RFX3: variants seen among roughly 807,000 people sequenced by gnomAD.
The protein encoded by RFX3 is transcription factor RFX3.
A neutral mutation model predicts 98.6 loss-of-function variants in RFX3; 14 were observed. That is an observed-to-expected ratio of 0.14 (90% CI 0.09 to 0.22). RFX3 has a LOEUF of 0.22. Ranked by LOEUF, RFX3 falls within the 10% of genes least tolerant of loss-of-function variation. The pLI is 1.00. For synonymous variants in RFX3, 383 were observed against 328.4 expected (o/e 1.17, Z -1.80); for missense variants, 639 against 926.9 (o/e 0.69, Z 4.03).
chr9:3,400,357 C>CA (rs1841355677), intron 1 of RFX3: 1 of 242,838 alleles, frequency 4.1e-6, no homozygotes, highest in Admixed American at 6.5e-5. Flanking sequence ...GCTAGAGAGT[C>CA]ACGGAGAACT....
intron 2 of RFX3, among the ~76,000 whole-genome samples, chr9:3,378,555 C>CTTTTTTTTT (rs869126415): frequency 8.0e-6 from 1 of 125,088 alleles, no homozygotes; most frequent in African/African-American, 3.0e-5. Flanking sequence ...TTTTTTCTTT[C>CTTTTTTTTT]TTTTTTTTTT....
chr9:3,385,703 AAG>A (rs1194147069), intron 2 of RFX3, among the ~76,000 whole-genome samples: 2,146 of 93,268 alleles, frequency 0.023, 53 homozygotes, highest in African/African-American at 0.1. Context: ...AAAAAAAAAA[AAG>A]AAAAGAAAAG....
intron 1 of RFX3, among the ~76,000 whole-genome samples, chr9:3,429,981 T>C (rs548457536): frequency 1.3e-5 from 2 of 152,306 alleles, no homozygotes; most frequent in African/African-American, 4.8e-5. Flanking sequence ...AAACCTTAGT[T>C]GACTTAGGTT....
At chr9:3,480,272 C>T (rs576614356) in intron 1 of RFX3, among the ~76,000 whole-genome samples, 1 of 152,300 alleles carries the variant, frequency 6.6e-6, no homozygotes, top group East Asian at 1.9e-4. Flanking sequence ...GGCTAAGCAT[C>T]TCTCTCCATG....
At chr9:3,337,250 G>C (rs937236577) in intron 3 of RFX3, among the ~76,000 whole-genome samples, 3 of 152,124 alleles carry the variant, frequency 2.0e-5, no homozygotes, top group African/African-American at 7.2e-5. Flanking sequence ...AATAATAAGA[G>C]GTGATCTTAT....
chr9:3,373,915 A>G (rs1838137552), intron 2 of RFX3, among the ~76,000 whole-genome samples: 1 of 152,126 alleles, frequency 6.6e-6, no homozygotes, highest in Non-Finnish European at 1.5e-5. Context: ...CGTCTCTAAT[A>G]AAAATACAAA....
chr9:3,460,673 G>GA (rs1163098259), intron 1 of RFX3, among the ~76,000 whole-genome samples: 1 of 151,942 alleles, frequency 6.6e-6, no homozygotes, highest in South Asian at 2.1e-4. Context: ...TAGACTCTCA[G>GA]AGCTAATACC....
At chr9:3,272,130 G>A (rs1367227986) in intron 9 of RFX3, among the ~76,000 whole-genome samples, 1 of 151,764 alleles carries the variant, frequency 6.6e-6, no homozygotes, top group Non-Finnish European at 1.5e-5. Flanking sequence ...AAGCCTTCAG[G>A]TAAAAGCAGG....
chr9:3,515,338 G>T lies in RFX3; in HGVS notation c.-9+10409C>A, dbSNP rs550398766. ...GATATATTGATTCTTTGGAAAAAAG[G>T]AATCACTAACAAAATTAAACAGAAT... On this transcript the variant is annotated intron_variant, in intron 1 of 16. Transcript: ENST00000617270. Among the ~76,000 whole-genome samples the T allele has an allele frequency of 8.5e-5, 13 of 152,166 alleles. No individual in the cohort carries two copies. In the South Asian group the frequency reaches 2.3e-3, roughly 27 times the overall value.
chr9:3,436,311 C>T (rs936440300), intron 1 of RFX3, among the ~76,000 whole-genome samples: 1 of 151,920 alleles, frequency 6.6e-6, no homozygotes, highest in Non-Finnish European at 1.5e-5. Context: ...ATTTTTCTAA[C>T]TAAACATATC....
intron 1 of RFX3, among the ~76,000 whole-genome samples, chr9:3,398,494 C>T (rs1030751537): frequency 1.3e-5 from 2 of 152,190 alleles, no homozygotes; most frequent in South Asian, 4.1e-4. Flanking sequence ...CATTAGATAT[C>T]ATCTTCTGTG....
At chr9:3,236,929 G>T (rs1819236233) in intron 15 of RFX3, among the ~76,000 whole-genome samples, 2 of 152,216 alleles carry the variant, frequency 1.3e-5, no homozygotes, top group Non-Finnish European at 2.9e-5. Flanking sequence ...CTCTAGGAAA[G>T]AAGATTTTTA....
intron 1 of RFX3, among the ~76,000 whole-genome samples, chr9:3,479,843 A>G (rs960380402): frequency 6.6e-6 from 1 of 152,182 alleles, no homozygotes; most frequent in African/African-American, 2.4e-5. Flanking sequence ...ATCTCTTGAG[A>G]TTTCTCTGAA....
chr9:3,454,313 G>A (rs1433897359), intron 1 of RFX3, among the ~76,000 whole-genome samples: 4 of 152,112 alleles, frequency 2.6e-5, no homozygotes, highest in Non-Finnish European at 1.5e-5. Context: ...AGAAATACAT[G>A]TATATCTCCA....
At chr9:3,401,478 T>C (rs116043815) in intron 1 of RFX3, among the ~76,000 whole-genome samples, 2 of 152,336 alleles carry the variant, frequency 1.3e-5, no homozygotes, top group African/African-American at 4.8e-5. Flanking sequence ...GTGTTTTGTT[T>C]ATGTTTGGGA....
chr9:3,256,660 A>G (rs1250638126), intron 14 of RFX3, among the ~76,000 whole-genome samples: 1 of 152,218 alleles, frequency 6.6e-6, no homozygotes, highest in East Asian at 1.9e-4. Flanking sequence ...TAAATAATGT[A>G]TGTTGCAAGA....
chr9:3,293,771 GATAATAACAATATT>G (rs1219298076), intron 5 of RFX3, among the ~76,000 whole-genome samples: 1 of 151,910 alleles, frequency 6.6e-6, no homozygotes, highest in Non-Finnish European at 1.5e-5. Flanking sequence ...ATTACCACTA[GATAATAACAATATT>G]GTCTACTGCG....
intron 3 of RFX3, among the ~76,000 whole-genome samples, chr9:3,346,391 G>A (rs969129397): frequency 1.3e-4 from 20 of 152,064 alleles, no homozygotes; most frequent in Non-Finnish European, 2.8e-4. Context: ...CTAACAAGGG[G>A]TATATACATT....
At chr9:3,375,696 C>T (rs1198099353) in intron 2 of RFX3, among the ~76,000 whole-genome samples, 1 of 152,186 alleles carries the variant, frequency 6.6e-6, no homozygotes, top group African/African-American at 2.4e-5. Flanking sequence ...CATGGTGGCT[C>T]ACACCTGTAA....
Sources: allele counts gnomAD v4.1 joint callset (sites outside exome capture counted in the v4.1 genomes callset), GRCh38; gene constraint gnomAD v4.1.1; transcripts MANE v1.5; gene names NCBI Gene and HGNC (gene_info 2026-07-23, HGNC 2026-07-21).